The following PLP1 variants were observed in gnomAD, a reference collection of about 807,000 sequenced individuals.
PLP1 encodes proteolipid protein 1, also known as myelin proteolipid protein.
Under a neutral mutation model 18.5 loss-of-function variants are expected in PLP1, and 2 were observed. The observed-to-expected ratio is 0.11, with a 90% confidence interval of 0.04 to 0.34. The LOEUF (loss-of-function observed/expected upper bound fraction) is 0.34, where lower values mean the gene tolerates loss of function less well. Ranked by LOEUF, PLP1 falls within the 10% of genes least tolerant of loss-of-function variation. The probability of loss-of-function intolerance (pLI) is 1.00; values close to 1 mark genes in which losing one functional copy is unlikely to be tolerated. For missense variants in PLP1, 105 were observed against 207.3 expected (o/e 0.51, Z 3.03); for synonymous variants, 86 against 83.2 (o/e 1.03, Z -0.19).
intron 2 of PLP1, 60 bp downstream of exon 2, chrX:103,785,828 T>C: frequency 3.0e-6 from 3 of 1,004,115 alleles, no homozygotes; most frequent in Non-Finnish European, 4.2e-6. Flanking sequence ...ATCCTGGAGA[T>C]AGAGAACTCT....
chrX:103,782,033 T>C (rs1169803844), intron 1 of PLP1, among the ~76,000 whole-genome samples: 2 of 112,487 alleles, frequency 1.8e-5, no homozygotes, highest in African/African-American at 3.2e-5. Context: ...GGATCTTTTC[T>C]CAGAATGCTT....
At chrX:103,786,348 A>G in intron 2 of PLP1, 117 bp from the exon 3 acceptor site, 1 of 1,051,252 alleles carries the variant, frequency 9.5e-7, no homozygotes, top group Non-Finnish European at 1.3e-6. Context: ...TTCCTCTAGA[A>G]AATCCCTAGC....
rs185953263 is a variant in PLP1 at position 103,790,635 on chromosome X, C to T, written c.*37C>T. Reference sequence around the variant, plus strand: ...AATCCCCCTTTCTCTAATAGCGAGGCTCTAACCACACAGCCTACAATGCTG... The same window carrying T: ...AATCCCCCTTTCTCTAATAGCGAGGTTCTAACCACACAGCCTACAATGCTG... On this transcript the variant is annotated 3_prime_UTR_variant, in exon 7 of 7. Coordinates refer to ENST00000621218, the MANE Select transcript of PLP1 (RefSeq NM_000533.5). 5.2e-5 allele frequency: 53 copies of T among 1,009,906 alleles called. No homozygotes were observed. Among genetic ancestry groups the T allele is most frequent in the Middle Eastern group, 5.1e-4 (2 of 3,916 alleles). The allele number at this position is 1,009,906 out of a possible 1,213,427, so 83.2% of individuals were successfully genotyped here.
chrX:103,781,153 A>G (rs921385897), intron 1 of PLP1: 3 of 232,197 alleles, frequency 1.3e-5, no homozygotes, highest in African/African-American at 5.8e-5. Context: ...TCCTTTGATG[A>G]GTTCCCAGAT....
intron 1 of PLP1, among the ~76,000 whole-genome samples, chrX:103,780,526 G>T (rs751626999): frequency 2.7e-5 from 3 of 109,973 alleles, no homozygotes. Flanking sequence ...TGCTGTTGCC[G>T]TGGTAATACT....
At chrX:103,787,299 T>A (rs1366581862) in intron 3 of PLP1, among the ~76,000 whole-genome samples, 1 of 111,467 alleles carries the variant, frequency 9.0e-6, no homozygotes, top group Non-Finnish European at 1.9e-5. Context: ...GAGTTAAAGA[T>A]CCTTTGGCGG....
intron 1 of PLP1, among the ~76,000 whole-genome samples, chrX:103,783,862 C>T (rs1251897919): frequency 8.9e-6 from 1 of 111,814 alleles, no homozygotes. Context: ...ATAGCAGCTT[C>T]CCAGTACATT....
intron 2 of PLP1, chrX:103,786,141 C>T (rs1569427465): frequency 2.7e-6 from 3 of 1,102,474 alleles, no homozygotes; most frequent in Admixed American, 2.7e-5. Context: ...CCTTCACCCA[C>T]CTTTCTTCTT....
rs2074415308 is a variant in PLP1 at position 103,776,943 on chromosome X, G to C, written c.-53G>C. 8.5e-7 allele frequency: 1 copy of C among 1,171,065 alleles called. No homozygotes were observed. The highest frequency in any genetic ancestry group is 2.2e-5 in the Admixed American group (1 of 45,930). ...GGATCCTTCCAGCTGAACAAAGTCA[G>C]CCACAAAGCAGACTAGCCAGCCGGC... On this transcript the variant is annotated 5_prime_UTR_variant, in exon 1 of 7. Transcript: ENST00000621218.
In PLP1 at chrX:103,776,949, A is replaced by G; in HGVS notation, c.-47A>G. ...TTCCAGCTGAACAAAGTCAGCCACA[A>G]AGCAGACTAGCCAGCCGGCTACAAT... On this transcript the variant is annotated 5_prime_UTR_variant, in exon 1 of 7. Coordinates refer to ENST00000621218, the MANE Select transcript of PLP1 (RefSeq NM_000533.5). The G allele has an allele frequency of 2.5e-6, 3 of 1,184,801 alleles. No homozygotes were observed. The highest frequency in any genetic ancestry group is 3.4e-6 in the Non-Finnish European group (3 of 871,194).
intron 6 of PLP1, 84 bp from the exon 7 acceptor site, chrX:103,790,443 A>G (rs1418852886): frequency 2.9e-6 from 2 of 685,244 alleles, no homozygotes; most frequent in African/African-American, 4.3e-5. Flanking sequence ...TTTTATTTCT[A>G]CCCTTCCTCA....
intron 1 of PLP1, among the ~76,000 whole-genome samples, chrX:103,784,113 A>G (rs984294088): frequency 8.9e-6 from 1 of 111,872 alleles, no homozygotes; most frequent in African/African-American, 3.2e-5. Flanking sequence ...TCCATATGAC[A>G]TCTTAGAGCA....
In PLP1 at chrX:103,792,295, A is replaced by G. The variant is rs2074550825; in HGVS notation, c.*1697A>G. On this transcript the variant is annotated 3_prime_UTR_variant, in exon 7 of 7. Coordinates refer to ENST00000621218, the MANE Select transcript of PLP1 (RefSeq NM_000533.5). The stretch of plus-strand genomic sequence containing the variant: ...TTGTTTTCAAACCAGTATACAAGAT[A>G]AGCTTCCAGGCTGCATAGAAGGAGG... The G allele has an allele frequency of 8.9e-6, 1 of 112,440 alleles. No homozygotes were observed. Among genetic ancestry groups the G allele is most frequent in the Non-Finnish European group, 1.9e-5 (1 of 53,254 alleles). 9.3% of individuals were successfully genotyped at this position (112,440 alleles called of 1,213,427 possible).
At chrX:103,786,871 AG>A in intron 3 of PLP1, 145 bp downstream of exon 3, 1 of 625,272 alleles carries the variant, frequency 1.6e-6, no homozygotes, top group Admixed American at 2.6e-5. Context: ...CCGAACGAGA[AG>A]GTCAGGAAGA....
intron 1 of PLP1, among the ~76,000 whole-genome samples, chrX:103,785,179 A>G (rs2074484401): frequency 9.0e-6 from 1 of 110,888 alleles, no homozygotes; most frequent in Admixed American, 9.5e-5. Flanking sequence ...CCTGGGTTTA[A>G]CAGATTCTCC....
intron 1 of PLP1, among the ~76,000 whole-genome samples, chrX:103,783,921 T>C (rs1278614570): frequency 1.0e-5 from 1 of 100,096 alleles, no homozygotes; most frequent in Non-Finnish European, 2.1e-5. Context: ...TATAGATATA[T>C]AAAATCAGTG....
At chrX:103,782,874 C>T (rs1473941811) in intron 1 of PLP1, among the ~76,000 whole-genome samples, 1 of 112,013 alleles carries the variant, frequency 8.9e-6, no homozygotes, top group African/African-American at 3.2e-5. Flanking sequence ...CTTCTTTGTC[C>T]GGGGGAGCTA....
intron 1 of PLP1, among the ~76,000 whole-genome samples, chrX:103,778,219 G>A (rs1005747841): frequency 5.3e-5 from 6 of 112,443 alleles, no homozygotes; most frequent in African/African-American, 1.9e-4. Context: ...TCAGGGTTGT[G>A]AGAATCAAGT....
At position 103,787,974 on chromosome X, in the gene PLP1, A is replaced by G. The variant is rs377170286; in HGVS notation, c.622+8A>G. On this transcript the variant is annotated splice_region_variant and intron_variant, in intron 4 of 6. Transcript: ENST00000621218. Reference sequence around the variant, plus strand: ...CTGATGCCAGAATGTATGGTGAGTTAGGGTACGGGTGCTTTGGCTCTCCTA... The same window carrying G: ...CTGATGCCAGAATGTATGGTGAGTTGGGGTACGGGTGCTTTGGCTCTCCTA... 2.5e-6 allele frequency: 3 copies of G among 1,197,898 alleles called. No individual in the cohort carries two copies. Among genetic ancestry groups the G allele is most frequent in the Non-Finnish European group, 2.3e-6 (2 of 882,577 alleles).
Sources: allele counts gnomAD v4.1 joint callset (sites outside exome capture counted in the v4.1 genomes callset), GRCh38; gene constraint gnomAD v4.1.1; transcripts MANE v1.5; gene names NCBI Gene and HGNC (gene_info 2026-07-23, HGNC 2026-07-21).